Variants in EDA2R observed in about 807,000 individuals in gnomAD.
EDA2R encodes tumor necrosis factor receptor superfamily member 27.
Under a neutral mutation model 20.1 loss-of-function variants are expected in EDA2R, and 26 were observed. That is an observed-to-expected ratio of 1.30 (90% confidence interval 0.95 to 1.80). The LOEUF is 1.80. Ranked by LOEUF, EDA2R falls within the 40% of genes most tolerant of loss-of-function variation. The probability of loss-of-function intolerance (pLI) is 0.00; values close to 1 mark genes in which losing one functional copy is unlikely to be tolerated. For missense variants in EDA2R, 277 were observed against 228.7 expected (o/e 1.21, Z -1.36); for synonymous variants, 114 against 88.7 (o/e 1.29, Z -1.60).
At chrX:66,637,877 G>T (rs776070496) in intron 1 of EDA2R, among the ~76,000 whole-genome samples, 24 of 112,062 alleles carry the variant, frequency 2.1e-4, no homozygotes, top group Non-Finnish European at 4.3e-4. Flanking sequence ...CAGAAAGGGA[G>T]AAGTAATTTT....
At chrX:66,637,821 G>A (rs1393207062) in intron 1 of EDA2R, among the ~76,000 whole-genome samples, 1 of 111,714 alleles carries the variant, frequency 9.0e-6, no homozygotes, top group Non-Finnish European at 1.9e-5. Flanking sequence ...AGCCCCATGA[G>A]GTGGGTGCTA....
chrX:66,634,339 A>G (rs1934130529), intron 1 of EDA2R, among the ~76,000 whole-genome samples: 1 of 112,016 alleles, frequency 8.9e-6, no homozygotes, highest in Non-Finnish European at 1.9e-5. Context: ...ATTCTTTGAG[A>G]CCATTTTTAG....
chrX:66,629,319 T>C (rs751162253), intron 1 of EDA2R, among the ~76,000 whole-genome samples: 3 of 111,276 alleles, frequency 2.7e-5, no homozygotes, highest in Non-Finnish European at 5.7e-5. Context: ...CTCTTCAACA[T>C]AGTACTGGAA....
chrX:66,600,165 C>A, intron 5 of EDA2R: 3 of 812,589 alleles, frequency 3.7e-6, no homozygotes, highest in Admixed American at 3.1e-5. Context: ...TCTTCATGGC[C>A]TGGTCTTATG....
At chrX:66,598,661 T>C (rs1297388749) in intron 6 of EDA2R, among the ~76,000 whole-genome samples, 1 of 112,314 alleles carries the variant, frequency 8.9e-6, no homozygotes, top group Non-Finnish European at 1.9e-5. Flanking sequence ...TTGACATCAG[T>C]TATAACTTTC....
intron 2 of EDA2R, among the ~76,000 whole-genome samples, chrX:66,606,107 C>A (rs1929632661): frequency 8.9e-6 from 1 of 111,884 alleles, no homozygotes; most frequent in Non-Finnish European, 1.9e-5. Flanking sequence ...ATTCTTAGAT[C>A]TGACAGCCTA....
At chrX:66,636,810 T>C (rs1602349494) in intron 1 of EDA2R, among the ~76,000 whole-genome samples, 3 of 111,122 alleles carry the variant, frequency 2.7e-5, no homozygotes, top group Middle Eastern at 9.2e-3. Flanking sequence ...TTTTTCAGGT[T>C]AGAAAGCTGA....
rs536194155 is a variant in EDA2R, at chrX:66,628,379, G to A, written c.-11+10616C>T. 6.5e-4 allele frequency among the ~76,000 whole-genome samples: 72 copies of A among 110,178 alleles called. No homozygotes were observed. In the South Asian group the frequency reaches 0.025, roughly 38 times the overall value. ...GAAACAACAACAAAAAAAAACACACGAAAGATAAATAAAACAAAAAGCTGG... is the reference window on the plus strand; with the variant it reads ...GAAACAACAACAAAAAAAAACACACAAAAGATAAATAAAACAAAAAGCTGG... On this transcript the variant is annotated intron_variant, in intron 1 of 6. Transcript: ENST00000374719.
chrX:66,619,224 A>G (rs1286528843), intron 1 of EDA2R, among the ~76,000 whole-genome samples: 1 of 111,719 alleles, frequency 9.0e-6, no homozygotes, highest in Admixed American at 9.5e-5. Context: ...CGCAACCACC[A>G]GTGACCTGAT....
intron 1 of EDA2R, among the ~76,000 whole-genome samples, chrX:66,623,984 C>A (rs1350251006): frequency 8.9e-6 from 1 of 112,157 alleles, no homozygotes; most frequent in Non-Finnish European, 1.9e-5. Context: ...AATGTAAATG[C>A]TATGAGGCCA....
At chrX:66,631,847 C>A (rs1190001033) in intron 1 of EDA2R, among the ~76,000 whole-genome samples, 3 of 111,853 alleles carry the variant, frequency 2.7e-5, no homozygotes, top group African/African-American at 9.8e-5. Flanking sequence ...AAAGAAAATG[C>A]ACTGTTTTTC....
intron 2 of EDA2R, among the ~76,000 whole-genome samples, chrX:66,608,516 A>T (rs1178769113): frequency 8.9e-6 from 1 of 112,460 alleles, no homozygotes; most frequent in African/African-American, 3.2e-5. Flanking sequence ...CACAAAGTGC[A>T]GAGACTTAAA....
intron 1 of EDA2R, among the ~76,000 whole-genome samples, chrX:66,628,283 A>G (rs1933314963): frequency 9.0e-6 from 1 of 110,959 alleles, no homozygotes; most frequent in Non-Finnish European, 1.9e-5. Context: ...CTAGAGAAAC[A>G]AGAACAAACC....
At chrX:66,598,220 T>TA (rs1569218466) in intron 6 of EDA2R, 127 bp from the exon 7 acceptor site, 1 of 220,943 alleles carries the variant, frequency 4.5e-6, no homozygotes, top group Non-Finnish European at 8.6e-6. Context: ...AGACATTACC[T>TA]AGATAGGGAT....
intron 2 of EDA2R, among the ~76,000 whole-genome samples, chrX:66,605,444 C>T: frequency 8.9e-6 from 1 of 112,249 alleles, no homozygotes; most frequent in East Asian, 2.8e-4. Flanking sequence ...TGAAGTAAAG[C>T]TAAGTATTTG....
At chrX:66,615,822 T>C (rs1164543238) in intron 2 of EDA2R, 112 bp downstream of exon 2, 2 of 536,889 alleles carry the variant, frequency 3.7e-6, no homozygotes, top group Non-Finnish European at 6.3e-6. Flanking sequence ...TTTTACCCGC[T>C]GAACTGGATC....
chrX:66,618,260 T>C (rs1327047290), intron 1 of EDA2R, among the ~76,000 whole-genome samples: 1 of 111,761 alleles, frequency 8.9e-6, no homozygotes, highest in African/African-American at 3.3e-5. Flanking sequence ...GCTTAACAAA[T>C]TGACTTTATT....
intron 2 of EDA2R, among the ~76,000 whole-genome samples, chrX:66,608,313 G>A (rs758936404): frequency 4.5e-5 from 5 of 110,844 alleles, no homozygotes; most frequent in Non-Finnish European, 9.4e-5. Context: ...TCTCAAATCT[G>A]ATGAAAGACA....
At position 66,605,258 on chromosome X, in the gene EDA2R, T is replaced by C. The variant is rs1278621211; in HGVS notation, c.88-32A>G. ...ACAGATGGGGGTTGTTAATATTGCT[T>C]TATAGGAGCTTGGAGATGGGATCAC... On this transcript the variant is annotated intron_variant, in intron 2 of 6. Transcript: ENST00000374719. 3 of 1,161,424 alleles carry C rather than the reference T, an allele frequency of 2.6e-6. No individual in the cohort carries two copies. The Admixed American group carries it at 7.3e-5, about 28-fold the overall frequency.
Sources: gnomAD v4.1 joint callset for allele counts (sites outside exome capture counted in the v4.1 genomes callset) on GRCh38, gnomAD v4.1.1 for gene constraint, MANE v1.5 for transcripts, NCBI Gene and HGNC (gene_info 2026-07-23, HGNC 2026-07-21) for gene names.